The following RBM47 variants were observed in gnomAD, a reference collection of about 807,000 sequenced individuals.
RBM47 encodes RNA binding motif protein 47, also known as RNA-binding protein 47.
RBM47 carries 21 observed loss-of-function variants against 47.1 expected under a neutral mutation model. The observed-to-expected ratio is 0.45, with a 90% confidence interval of 0.32 to 0.64. RBM47 has a LOEUF of 0.64. Ranked by LOEUF, RBM47 falls within the 30% of genes least tolerant of loss-of-function variation. The pLI is 0.05. For synonymous variants in RBM47, 375 were observed against 361.7 expected, an observed-to-expected ratio of 1.04 and a Z score of -0.42; for missense variants, 708 against 870.9, an observed-to-expected ratio of 0.81 and a Z score of 2.35.
At chr4:40,549,376 G>A (rs981196284) in intron 1 of RBM47, among the ~76,000 whole-genome samples, 3 of 152,140 alleles carry the variant, frequency 2.0e-5, no homozygotes, top group African/African-American at 4.8e-5. Context: ...ACAGGCGTGA[G>A]CCACCACGCC....
chr4:40,627,024 C>T (rs2154282597), intron 1 of RBM47, among the ~76,000 whole-genome samples: 1 of 152,264 alleles, frequency 6.6e-6, no homozygotes, highest in East Asian at 1.9e-4. Flanking sequence ...TCTTTGAAGC[C>T]ACTACTTGGA....
intron 1 of RBM47, among the ~76,000 whole-genome samples, chr4:40,596,732 C>T (rs1420695492): frequency 6.6e-6 from 1 of 152,018 alleles, no homozygotes; most frequent in Non-Finnish European, 1.5e-5. Flanking sequence ...TGAGTACACA[C>T]CATATGTAGC....
At chr4:40,501,591 A>G (rs1003095965) in intron 2 of RBM47, among the ~76,000 whole-genome samples, 9 of 152,242 alleles carry the variant, frequency 5.9e-5, no homozygotes, top group Non-Finnish European at 1.2e-4. Context: ...TTTAATTTTA[A>G]ACAAATTTAA....
intron 1 of RBM47, among the ~76,000 whole-genome samples, chr4:40,568,428 C>CAAAAAAAAAAAAAAAAAAAAAAAAAAAAA (rs35434439): frequency 3.5e-5 from 2 of 57,574 alleles, no homozygotes; most frequent in Non-Finnish European, 3.3e-5. Flanking sequence ...AACCCTGTCT[C>CAAAAAAAAAAAAAAAAAAAAAAAAAAAAA]AAAAAAAAAA....
Position 40,438,336 on chromosome 4 carries a change from G to A in RBM47, c.558C>T (p.Ser186=), listed in dbSNP as rs755153424. 24 of 1,609,676 alleles carry A rather than the reference G, an allele frequency of 1.5e-5. No homozygotes were observed. Among genetic ancestry groups the A allele is most frequent in the East Asian group, 2.2e-5 (1 of 44,882 alleles). ...EGVLDVIVYA[S]AADKMKNRGF... ...CGCGGTTCTTCATCTTGTCGGCCGC[G>A]CTGGCGTAGACGATCACGTCCAGCA... The change falls in exon 4 of 7, where the codon AGC becomes AGT. Residue 186 remains serine, a synonymous_variant. Transcript: ENST00000295971.
chr4:40,455,680 G>A (rs1447509577), intron 3 of RBM47: 1 of 152,114 alleles, frequency 6.6e-6, no homozygotes, highest in Non-Finnish European at 1.5e-5. Context: ...AGCCTAGGAG[G>A]TTAAGGCTGC....
At chr4:40,527,285 G>C (rs536165615) in intron 2 of RBM47, among the ~76,000 whole-genome samples, 62 of 146,612 alleles carry the variant, frequency 4.2e-4, no homozygotes, top group African/African-American at 1.6e-3. Context: ...ACCACAACTG[G>C]CTAATTTTTT....
At chr4:40,535,371 C>CTTTTTTTTTTTTTTTTTTTTT (rs1177127352) in intron 2 of RBM47, among the ~76,000 whole-genome samples, 2 of 103,460 alleles carry the variant, frequency 1.9e-5, no homozygotes, top group South Asian at 3.3e-4. Flanking sequence ...TATGGTATTT[C>CTTTTTTTTTTTTTTTTTTTTT]TTTTTTTTTT....
chr4:40,604,191 A>T (rs1249855756), intron 1 of RBM47, among the ~76,000 whole-genome samples: 3 of 152,228 alleles, frequency 2.0e-5, no homozygotes, highest in African/African-American at 7.2e-5. Context: ...AAGTGTCTGT[A>T]ATATTACACA....
At chr4:40,507,504 T>G (rs6848632) in intron 2 of RBM47, among the ~76,000 whole-genome samples, 23,930 of 152,158 alleles carry the variant, frequency 0.16, 2,206 homozygotes, top group East Asian at 0.26. Context: ...ATTCCAGAGT[T>G]ACGGCTGGGC....
At chr4:40,596,713 C>T (rs758726321) in intron 1 of RBM47, among the ~76,000 whole-genome samples, 1 of 152,120 alleles carries the variant, frequency 6.6e-6, no homozygotes, top group Admixed American at 6.6e-5. Flanking sequence ...AAGCCCCACG[C>T]CTTGTGTATG....
chr4:40,619,147 G>A (rs1167100636), intron 1 of RBM47, among the ~76,000 whole-genome samples: 1 of 151,984 alleles, frequency 6.6e-6, no homozygotes, highest in Non-Finnish European at 1.5e-5. Flanking sequence ...ATCAACCCCT[G>A]GACAGGCGCA....
intron 2 of RBM47, among the ~76,000 whole-genome samples, chr4:40,477,365 T>C (rs1719769806): frequency 6.6e-6 from 1 of 152,226 alleles, no homozygotes; most frequent in Admixed American, 6.5e-5. Flanking sequence ...TCTAAGATTA[T>C]AACTATGTTA....
intron 1 of RBM47, among the ~76,000 whole-genome samples, chr4:40,585,126 G>A (rs1733424356): frequency 2.0e-5 from 3 of 152,180 alleles, no homozygotes; most frequent in Admixed American, 2.0e-4. Context: ...CCATGTGACT[G>A]GACTACTTAA....
chr4:40,559,384 G>A (rs750990561), intron 1 of RBM47, among the ~76,000 whole-genome samples: 3 of 152,120 alleles, frequency 2.0e-5, no homozygotes, highest in African/African-American at 4.8e-5. Context: ...CTACAATAAC[G>A]AATCAAGTGA....
At chr4:40,563,922 G>T (rs1730858853) in intron 1 of RBM47, among the ~76,000 whole-genome samples, 1 of 152,146 alleles carries the variant, frequency 6.6e-6, no homozygotes, top group African/African-American at 2.4e-5. Context: ...AGAAAGCTAT[G>T]AAAAATAGCC....
chr4:40,449,535 G>T (rs898606357), intron 3 of RBM47, among the ~76,000 whole-genome samples: 3 of 152,196 alleles, frequency 2.0e-5, no homozygotes, highest in African/African-American at 4.8e-5. Flanking sequence ...ACACACCTGA[G>T]AATGCGGCCT....
At chr4:40,487,301 T>A (rs888715076) in intron 2 of RBM47, among the ~76,000 whole-genome samples, 10 of 152,162 alleles carry the variant, frequency 6.6e-5, no homozygotes, top group Admixed American at 3.3e-4. Context: ...ATTTCTTTTC[T>A]TTTCTTTTTT....
At chr4:40,505,630 G>A (rs965790641) in intron 2 of RBM47, among the ~76,000 whole-genome samples, 2 of 151,862 alleles carry the variant, frequency 1.3e-5, no homozygotes, top group African/African-American at 2.4e-5. Flanking sequence ...GCTCACACCT[G>A]TAATCCCAGC....
Sources: gnomAD v4.1 joint callset for allele counts (sites outside exome capture counted in the v4.1 genomes callset) on GRCh38, gnomAD v4.1.1 for gene constraint, MANE v1.5 for transcripts, NCBI Gene and HGNC (gene_info 2026-07-23, HGNC 2026-07-21) for gene names.